The following DCLK3 variants were observed in gnomAD, a reference collection of about 807,000 sequenced individuals.
DCLK3 encodes the protein doublecortin like kinase 3.
Under a neutral mutation model 46.4 loss-of-function variants are expected in DCLK3, and 30 were observed. The observed-to-expected ratio is 0.65, with a 90% CI of 0.48 to 0.88. DCLK3 has a LOEUF of 0.88. Ranked by LOEUF, DCLK3 falls within the 40% of genes least tolerant of loss-of-function variation. The pLI is 0.00. For missense variants in DCLK3, 846 were observed against 907.1 expected, an observed-to-expected ratio of 0.93 and a Z score of 0.87; for synonymous variants, 401 against 339.2, an observed-to-expected ratio of 1.18 and a Z score of -2.00.
chr3:36,745,568 T>C (rs1701387162), intron 1 of DCLK3, among the ~76,000 whole-genome samples: 2 of 152,202 alleles, frequency 1.3e-5, no homozygotes, highest in African/African-American at 2.4e-5. Context: ...AGCAGAAAGG[T>C]GCCCCTGAAA....
chr3:36,715,658 G>A (rs1700969492), intron 4 of DCLK3, 137 bp from the exon 5 acceptor site: 3 of 836,790 alleles, frequency 3.6e-6, no homozygotes, highest in Non-Finnish European at 5.2e-6. Flanking sequence ...TTCTAGAGCA[G>A]CACAGTCCAA....
intron 3 of DCLK3, among the ~76,000 whole-genome samples, chr3:36,721,301 A>G (rs1268392817): frequency 6.6e-6 from 1 of 151,900 alleles, no homozygotes; most frequent in Non-Finnish European, 1.5e-5. Flanking sequence ...ACACACACAC[A>G]CATGCACACA....
intron 1 of DCLK3, among the ~76,000 whole-genome samples, chr3:36,746,682 G>A (rs1465439436): frequency 6.6e-6 from 1 of 152,236 alleles, no homozygotes; most frequent in Admixed American, 6.5e-5. Context: ...TGACAACAAA[G>A]AGGACTAACA....
chr3:36,747,576 A>G (rs1559393550), intron 1 of DCLK3, among the ~76,000 whole-genome samples: 1 of 152,124 alleles, frequency 6.6e-6, no homozygotes, highest in Admixed American at 6.5e-5. Flanking sequence ...ATATGAGTCT[A>G]GAGTCCTCTC....
At chr3:36,743,686 C>T (rs1350237346) in intron 1 of DCLK3, among the ~76,000 whole-genome samples, 1 of 152,166 alleles carries the variant, frequency 6.6e-6, no homozygotes, top group Non-Finnish European at 1.5e-5. Flanking sequence ...CTCCTCAATG[C>T]CAATCTAACC....
chr3:36,718,137 G>A lies in DCLK3; in HGVS notation c.2133C>T (p.Ile711=), dbSNP rs1363533503. The part of the protein sequence containing the change: ...LEVDMWAAGV[I]LYILLCGFPP... ...GAAAGCCACACAGCAGGATATAGAGGATCACGCCAGCAGCCCACATGTCCA... is the reference window on the plus strand; with the variant it reads ...GAAAGCCACACAGCAGGATATAGAGAATCACGCCAGCAGCCCACATGTCCA... Residue 711 remains isoleucine, a synonymous_variant, in exon 4 of 5, where the codon ATC becomes ATT. Transcript: ENST00000636136. 5 of 1,614,098 alleles carry A rather than the reference G, an allele frequency of 3.1e-6. No individual in the cohort carries two copies. The highest frequency in any genetic ancestry group is 2.2e-5 in the East Asian group (1 of 44,888).
intron 1 of DCLK3, among the ~76,000 whole-genome samples, chr3:36,758,422 T>C (rs1701508248): frequency 6.6e-6 from 1 of 152,166 alleles, no homozygotes; most frequent in Non-Finnish European, 1.5e-5. Context: ...GGGTGGGGGC[T>C]TTGGGGAAGT....
At chr3:36,753,663 C>CTTTAT (rs1431004204) in intron 1 of DCLK3, among the ~76,000 whole-genome samples, 19 of 152,100 alleles carry the variant, frequency 1.2e-4, no homozygotes, top group African/African-American at 4.6e-4. Context: ...TTCTCAGATG[C>CTTTAT]TTTATTTTAT....
At chr3:36,732,806 T>C (rs1169109274) in intron 2 of DCLK3, among the ~76,000 whole-genome samples, 1 of 152,182 alleles carries the variant, frequency 6.6e-6, no homozygotes, top group Non-Finnish European at 1.5e-5. Flanking sequence ...AATGAAGCTG[T>C]TAGAAGAGAA....
intron 2 of DCLK3, 99 bp from the exon 3 acceptor site, chr3:36,721,758 C>T (rs1701064317): frequency 2.1e-6 from 3 of 1,445,768 alleles, no homozygotes; most frequent in Admixed American, 3.5e-5. Flanking sequence ...AAAAGCAAAC[C>T]ATAAACCTAT....
chr3:36,760,320 T>G lies in DCLK3; in HGVS notation c.82+3862A>C, dbSNP rs1575149249. Among the ~76,000 whole-genome samples the G allele has an allele frequency of 2.0e-5, 3 of 152,114 alleles. No individual in the cohort carries two copies. The South Asian group carries it at 6.2e-4, about 32-fold the overall frequency. ...GGTCCCTAAAGAAACAACATCTACA[T>G]AGTATTCCATGGTGTATATGTGCCA... On this transcript the variant is annotated intron_variant, in intron 1 of 4. Coordinates refer to ENST00000636136, the MANE Select transcript of DCLK3 (RefSeq NM_001394672.2).
At chr3:36,761,605 G>A (rs1701540450) in intron 1 of DCLK3, among the ~76,000 whole-genome samples, 1 of 152,144 alleles carries the variant, frequency 6.6e-6, no homozygotes, top group Non-Finnish European at 1.5e-5. Flanking sequence ...ATTATCAAGA[G>A]GCCACCAAAG....
Position 36,721,378 on chromosome 3 carries a change from C to T in DCLK3, c.2092+149G>A. 1.2e-5 allele frequency: 13 copies of T among 1,111,214 alleles called. No individual in the cohort carries two copies. The South Asian group carries it at 2.0e-4, about 17-fold the overall frequency. 68.8% of individuals were successfully genotyped at this position (1,111,214 alleles called of 1,614,324 possible). A position where few individuals can be genotyped will look rare whatever the true frequency, so the allele number is the denominator to read the frequency against. On this transcript the variant is annotated intron_variant, in intron 3 of 4. Transcript: ENST00000636136. ...GAAAGCTCTCATGCTTTGGTCAAGC[C>T]TACTTCAAATATTTTCATTGAAGTC...
At chr3:36,732,626 T>C (rs1359904899) in intron 2 of DCLK3, among the ~76,000 whole-genome samples, 6 of 152,238 alleles carry the variant, frequency 3.9e-5, no homozygotes, top group African/African-American at 1.2e-4. Context: ...ATGTTATTGC[T>C]GAAATTCACA....
At chr3:36,716,363 T>TC (rs1408663189) in intron 4 of DCLK3, among the ~76,000 whole-genome samples, 11 of 152,032 alleles carry the variant, frequency 7.2e-5, no homozygotes, top group Admixed American at 7.2e-4. Context: ...ACCGCTCCCC[T>TC]CCCCCGATGT....
Position 36,715,031 on chromosome 3 carries a change from A to G in DCLK3, c.*297T>C, listed in dbSNP as rs1309610200. 1.2e-5 allele frequency: 4 copies of G among 345,250 alleles called. No homozygotes were observed. The highest frequency in any genetic ancestry group is 2.1e-5 in the Non-Finnish European group (4 of 186,986). 21.4% of individuals were successfully genotyped at this position (345,250 alleles called of 1,614,324 possible). A position where few individuals can be genotyped will look rare whatever the true frequency, so the allele number is the denominator to read the frequency against. On this transcript the variant is annotated 3_prime_UTR_variant, in exon 5 of 5. Transcript: ENST00000636136. ...GTAAGCACCACTCCTGTAGTACAGA[A>G]TAAACTTGGTTACAAAGGGGAAGCA... is the stretch of plus-strand genomic sequence containing the variant.
chr3:36,729,935 G>C (rs1292305444), intron 2 of DCLK3: 1 of 152,384 alleles, frequency 6.6e-6, no homozygotes, highest in East Asian at 1.9e-4. Flanking sequence ...CCAGCACTTT[G>C]GGAGGCCAAG....
intron 2 of DCLK3, among the ~76,000 whole-genome samples, chr3:36,735,170 G>A (rs192474157): frequency 2.0e-5 from 3 of 152,334 alleles, no homozygotes; most frequent in East Asian, 1.9e-4. Context: ...TAGACAATTC[G>A]GTGAAAGAAG....
chr3:36,742,866 C>T (rs1289759776), intron 1 of DCLK3, among the ~76,000 whole-genome samples: 1 of 152,162 alleles, frequency 6.6e-6, no homozygotes. Flanking sequence ...TCTCCGGGAA[C>T]GTGCTCATGC....
Sources: gnomAD v4.1 joint callset for allele counts (sites outside exome capture counted in the v4.1 genomes callset) on GRCh38, gnomAD v4.1.1 for gene constraint, MANE v1.5 for transcripts, NCBI Gene and HGNC (gene_info 2026-07-23, HGNC 2026-07-21) for gene names.